HS3ST4: variants seen among roughly 807,000 people sequenced by gnomAD.
HS3ST4 encodes the protein heparan sulfate-glucosamine 3-sulfotransferase 4, also known as heparan sulfate glucosamine 3-O-sulfotransferase 4.
A neutral mutation model predicts 29.2 loss-of-function variants in HS3ST4; 17 were observed. That is an observed-to-expected ratio of 0.58 (90% CI 0.40 to 0.87). HS3ST4 has a LOEUF of 0.87. Among genes scored for constraint, HS3ST4 ranks in the 40% least tolerant of loss-of-function variants. The pLI, the probability that HS3ST4 is intolerant of heterozygous loss-of-function variation, is 0.00. For synonymous variants in HS3ST4, 314 were observed against 285.7 expected (o/e 1.10, Z -1.00); for missense variants, 627 against 634.5 (o/e 0.99, Z 0.13).
At chr16:25,935,874 T>G (rs2141689738) in intron 1 of HS3ST4, among the ~76,000 whole-genome samples, 1 of 152,276 alleles carries the variant, frequency 6.6e-6, no homozygotes, top group Non-Finnish European at 1.5e-5. Flanking sequence ...GTTAAAAAAA[T>G]AATTTCTGGG....
At chr16:26,115,123 A>G (rs1899183537) in intron 1 of HS3ST4, among the ~76,000 whole-genome samples, 1 of 152,160 alleles carries the variant, frequency 6.6e-6, no homozygotes, top group Non-Finnish European at 1.5e-5. Flanking sequence ...TACTACATAA[A>G]GTATGATAAT....
chr16:26,087,213 C>G (rs985213833), intron 1 of HS3ST4, among the ~76,000 whole-genome samples: 1 of 152,208 alleles, frequency 6.6e-6, no homozygotes, highest in Non-Finnish European at 1.5e-5. Context: ...AAGTAGGTGG[C>G]AGACACATCA....
intron 1 of HS3ST4, among the ~76,000 whole-genome samples, chr16:26,049,388 GAGGT>G (rs1898308726): frequency 6.7e-6 from 1 of 149,520 alleles, no homozygotes; most frequent in Non-Finnish European, 1.5e-5. Flanking sequence ...TCTACATCCG[GAGGT>G]CTACATCCGG....
intron 1 of HS3ST4, among the ~76,000 whole-genome samples, chr16:25,828,286 T>C (rs1316779825): frequency 0.014 from 1,116 of 80,432 alleles, 87 homozygotes; most frequent in African/African-American, 0.035. Flanking sequence ...CTTTCTTTCT[T>C]TCTTTCTTTC....
intron 1 of HS3ST4, among the ~76,000 whole-genome samples, chr16:25,820,924 G>T (rs1347135469): frequency 6.6e-6 from 1 of 152,020 alleles, no homozygotes; most frequent in African/African-American, 2.4e-5. Flanking sequence ...TTAGGACCAA[G>T]TCGAATAAGT....
intron 1 of HS3ST4, among the ~76,000 whole-genome samples, chr16:25,927,066 G>GA (rs57586066): frequency 0.21 from 30,487 of 148,360 alleles, 3,898 homozygotes; most frequent in African/African-American, 0.34. Flanking sequence ...CCGTCTAAAA[G>GA]AAAAAAAAAA....
At chr16:25,934,986 G>A (rs1457128167) in intron 1 of HS3ST4, among the ~76,000 whole-genome samples, 1 of 152,068 alleles carries the variant, frequency 6.6e-6, no homozygotes, top group African/African-American at 2.4e-5. Flanking sequence ...TGGATCATGA[G>A]GGTGGTTTCC....
chr16:25,702,005 A>T (rs920422750), intron 1 of HS3ST4, among the ~76,000 whole-genome samples: 1 of 152,254 alleles, frequency 6.6e-6, no homozygotes. Flanking sequence ...CTATTAAAAT[A>T]GGGTCATACC....
At chr16:25,940,787 G>T (rs570223042) in intron 1 of HS3ST4, among the ~76,000 whole-genome samples, 1 of 152,210 alleles carries the variant, frequency 6.6e-6, no homozygotes, top group African/African-American at 2.4e-5. Flanking sequence ...CATTCAGAGT[G>T]AACATAAAAC....
intron 1 of HS3ST4, among the ~76,000 whole-genome samples, chr16:25,980,865 G>A (rs8053729): frequency 0.82 from 124,146 of 152,100 alleles, 51,039 homozygotes; most frequent in Admixed American, 0.9. Flanking sequence ...AGGAAAACAT[G>A]AGTGAGTGCC....
At chr16:25,997,061 T>C (rs2141731557) in intron 1 of HS3ST4, among the ~76,000 whole-genome samples, 1 of 152,312 alleles carries the variant, frequency 6.6e-6, no homozygotes, top group Non-Finnish European at 1.5e-5. Flanking sequence ...AAAAATATAT[T>C]GATTTTTGTA....
intron 1 of HS3ST4, among the ~76,000 whole-genome samples, chr16:25,754,066 G>C (rs1426838349): frequency 6.6e-6 from 1 of 152,146 alleles, no homozygotes; most frequent in East Asian, 1.9e-4. Context: ...TGATGGGAAT[G>C]GTTGAACAAG....
chr16:25,877,338 G>T (rs1402021001), intron 1 of HS3ST4, among the ~76,000 whole-genome samples: 1 of 152,110 alleles, frequency 6.6e-6, no homozygotes, highest in African/African-American at 2.4e-5. Flanking sequence ...AATGACTGGT[G>T]TACTTATGAG....
At chr16:26,106,880 T>A (rs1342721640) in intron 1 of HS3ST4, among the ~76,000 whole-genome samples, 1 of 152,210 alleles carries the variant, frequency 6.6e-6, no homozygotes, top group East Asian at 1.9e-4. Flanking sequence ...TCATGCCCTG[T>A]GGGCAAGGGC....
At chr16:25,937,056 T>G (rs1968523540) in intron 1 of HS3ST4, among the ~76,000 whole-genome samples, 4 of 152,162 alleles carry the variant, frequency 2.6e-5, no homozygotes, top group Admixed American at 6.5e-5. Flanking sequence ...CTGGCTCAGA[T>G]AGTCAGGACA....
intron 1 of HS3ST4, among the ~76,000 whole-genome samples, chr16:25,926,850 C>T (rs1968408356): frequency 6.6e-6 from 1 of 152,176 alleles, no homozygotes; most frequent in African/African-American, 2.4e-5. Flanking sequence ...TTCCTATGAT[C>T]TCAGTAGGTC....
intron 1 of HS3ST4, among the ~76,000 whole-genome samples, chr16:26,120,269 A>T (rs545055031): frequency 6.6e-6 from 1 of 152,156 alleles, no homozygotes; most frequent in Admixed American, 6.5e-5. Flanking sequence ...TTGGTTTAAA[A>T]ATCTGTTTAG....
chr16:25,877,297 G>A (rs775028166), intron 1 of HS3ST4, among the ~76,000 whole-genome samples: 1 of 152,066 alleles, frequency 6.6e-6, no homozygotes, highest in Non-Finnish European at 1.5e-5. Flanking sequence ...TTAAGATGAT[G>A]TCATAATGAG....
intron 1 of HS3ST4, among the ~76,000 whole-genome samples, chr16:25,891,796 T>G (rs930055784): frequency 3.3e-5 from 5 of 152,176 alleles, no homozygotes; most frequent in Non-Finnish European, 5.9e-5. Flanking sequence ...ATTATGATAG[T>G]GTTATTGTTA....
Sources: gnomAD v4.1 joint callset for allele counts (sites outside exome capture counted in the v4.1 genomes callset) on GRCh38, gnomAD v4.1.1 for gene constraint, MANE v1.5 for transcripts, NCBI Gene and HGNC (gene_info 2026-07-23, HGNC 2026-07-21) for gene names.